The following EPHA3 variants were observed in gnomAD, a reference collection of about 807,000 sequenced individuals.
The protein encoded by EPHA3 is ephrin type-A receptor 3.
Under a neutral mutation model 107.1 loss-of-function variants are expected in EPHA3, and 42 were observed. That is an observed-to-expected ratio of 0.39 (90% CI 0.31 to 0.51). The LOEUF is 0.51. Among genes scored for constraint, EPHA3 ranks in the 20% least tolerant of loss-of-function variants. The probability of loss-of-function intolerance (pLI) is 0.78; values close to 1 mark genes in which losing one functional copy is unlikely to be tolerated. For missense variants in EPHA3, 1,183 were observed against 1,211.2 expected (o/e 0.98, Z 0.35); for synonymous variants, 461 against 424.8 (o/e 1.09, Z -1.05).
At chr3:89,458,229 T>G (rs1710139163) in intron 15 of EPHA3, among the ~76,000 whole-genome samples, 1 of 151,868 alleles carries the variant, frequency 6.6e-6, no homozygotes, top group African/African-American at 2.4e-5. Flanking sequence ...TTCACTAATA[T>G]CTCAGAATAT....
Position 89,395,831 on chromosome 3 carries a change from T to C in EPHA3, c.1307-6T>C, listed in dbSNP as rs1708839175. 6.2e-7 allele frequency: 1 copy of C among 1,613,504 alleles called. No homozygotes were observed. On this transcript the variant is annotated splice_polypyrimidine_tract_variant and splice_region_variant and intron_variant, in intron 5 of 16. Coordinates refer to ENST00000336596, the MANE Select transcript of EPHA3 (RefSeq NM_005233.6). ...TCCACCTTCCCCTCCCATCCTCTCT[T>C]TACAGCTCCATCACCTGTCCTGACG...
At chr3:89,111,621 ACAGGATTAT>A (rs1370637884) in intron 1 of EPHA3, among the ~76,000 whole-genome samples, 1 of 151,598 alleles carries the variant, frequency 6.6e-6, no homozygotes, top group Non-Finnish European at 1.5e-5. Flanking sequence ...TAGGTCATTA[ACAGGATTAT>A]CAGCAAATTT....
In EPHA3 at chr3:89,127,189, T is replaced by G; in HGVS notation, c.89-20T>G. The G allele has an allele frequency of 1.3e-6, 2 of 1,589,230 alleles. No homozygotes were observed. Among genetic ancestry groups the G allele is most frequent in the Non-Finnish European group, 1.7e-6 (2 of 1,158,166 alleles). On this transcript the variant is annotated intron_variant, in intron 1 of 16. Coordinates refer to ENST00000336596, the MANE Select transcript of EPHA3 (RefSeq NM_005233.6). ...AATTCACTGTTATTAACTGTGTTTGTGTATTATGTTTTATTTTAGTCAATC... is the reference window on the plus strand; with the variant it reads ...AATTCACTGTTATTAACTGTGTTTGGGTATTATGTTTTATTTTAGTCAATC...
At chr3:89,135,819 A>G (rs1317732815) in intron 2 of EPHA3, among the ~76,000 whole-genome samples, 1 of 151,978 alleles carries the variant, frequency 6.6e-6, no homozygotes, top group African/African-American at 2.4e-5. Flanking sequence ...ATTGTTATCA[A>G]GGGGAAAAAA....
intron 3 of EPHA3, among the ~76,000 whole-genome samples, chr3:89,217,201 G>A (rs1259787784): frequency 2.0e-5 from 3 of 152,126 alleles, no homozygotes; most frequent in African/African-American, 7.2e-5. Context: ...TTGTAAAGAA[G>A]TATAAGTGTT....
At chr3:89,227,244 CAT>C (rs1203728133) in intron 3 of EPHA3, among the ~76,000 whole-genome samples, 5 of 151,894 alleles carry the variant, frequency 3.3e-5, no homozygotes, top group Admixed American at 2.6e-4. Context: ...CATTGGGAAA[CAT>C]ATTATGGCTA....
chr3:89,142,580 T>C (rs999356432), intron 2 of EPHA3, among the ~76,000 whole-genome samples: 2 of 151,460 alleles, frequency 1.3e-5, no homozygotes, highest in Non-Finnish European at 3.0e-5. Flanking sequence ...TATTCAAAAT[T>C]GACATAAACT....
chr3:89,197,536 GAT>G (rs1705867305), intron 2 of EPHA3, among the ~76,000 whole-genome samples: 1 of 151,992 alleles, frequency 6.6e-6, no homozygotes, highest in South Asian at 2.1e-4. Flanking sequence ...TTTTAAAAAA[GAT>G]AATAGTGAAA....
At chr3:89,143,808 G>A (rs1480887042) in intron 2 of EPHA3, among the ~76,000 whole-genome samples, 6 of 151,140 alleles carry the variant, frequency 4.0e-5, no homozygotes, top group Admixed American at 6.6e-5. Flanking sequence ...TCCAATCCAG[G>A]GTATCACATT....
chr3:89,211,179 G>A (rs1022402540), intron 3 of EPHA3, among the ~76,000 whole-genome samples: 47 of 152,050 alleles, frequency 3.1e-4, no homozygotes, highest in African/African-American at 1.1e-3. Context: ...AGGCTTGAAT[G>A]CATATTTGAT....
intron 5 of EPHA3, among the ~76,000 whole-genome samples, chr3:89,355,029 C>T (rs182659687): frequency 7.3e-5 from 11 of 151,104 alleles, no homozygotes; most frequent in South Asian, 2.1e-4. Flanking sequence ...AATTCAAAAG[C>T]ACCCTCTTGA....
intron 1 of EPHA3, among the ~76,000 whole-genome samples, chr3:89,122,471 T>TA (rs1707413184): frequency 6.6e-6 from 1 of 152,230 alleles, no homozygotes; most frequent in African/African-American, 2.4e-5. Context: ...CTCAGTTTCA[T>TA]AAAATGCAAC....
At chr3:89,329,490 T>C (rs1320981475) in intron 3 of EPHA3, among the ~76,000 whole-genome samples, 2 of 152,104 alleles carry the variant, frequency 1.3e-5, no homozygotes, top group East Asian at 3.9e-4. Flanking sequence ...TCTTAATATT[T>C]CCAATACGCT....
rs370245094 is a variant in EPHA3 at position 89,368,798 on chromosome 3, C to G, written c.1306+26708C>G. On this transcript the variant is annotated intron_variant, in intron 5 of 16. Transcript: ENST00000336596. ...ATGCCCGTATCTTCTAGAAACACCC[C>G]CATAGATTCACCCAGAAAAAACAAA... is the stretch of plus-strand genomic sequence containing the variant. 9.3e-5 allele frequency among the ~76,000 whole-genome samples: 14 copies of G among 150,134 alleles called. No individual in the cohort carries two copies. The Admixed American group carries it at 9.4e-4, about 10-fold the overall frequency.
At chr3:89,442,934 G>T (rs1397946473) in intron 13 of EPHA3, among the ~76,000 whole-genome samples, 1 of 151,948 alleles carries the variant, frequency 6.6e-6, no homozygotes, top group African/African-American at 2.4e-5. Context: ...TCCACCCCAG[G>T]CTCTAAATTT....
rs115830333 is a variant in EPHA3 at position 89,412,683 on chromosome 3, G to A, written c.1763-458G>A. On this transcript the variant is annotated intron_variant, in intron 9 of 16. Transcript: ENST00000336596. ...ATCATTTAATTTATCTATAATTGCA[G>A]CCATTATCTCACCTTATAATTGTAT... Among the ~76,000 whole-genome samples the A allele has an allele frequency of 6.8e-3, 1,028 of 151,748 alleles. 8 individuals carry two copies. Among genetic ancestry groups the A allele is most frequent in the African/African-American group, 0.023 (937 of 41,468 alleles).
At chr3:89,169,317 A>T (rs1705158136) in intron 2 of EPHA3, among the ~76,000 whole-genome samples, 1 of 152,166 alleles carries the variant, frequency 6.6e-6, no homozygotes, top group Non-Finnish European at 1.5e-5. Flanking sequence ...GATATTGTAC[A>T]TATTTTTCAG....
intron 1 of EPHA3, among the ~76,000 whole-genome samples, chr3:89,116,551 G>T (rs2106950369): frequency 1.3e-5 from 2 of 152,146 alleles, no homozygotes; most frequent in East Asian, 3.9e-4. Context: ...AGCAAATTAA[G>T]TTGGGGGCAA....
intron 3 of EPHA3, among the ~76,000 whole-genome samples, chr3:89,213,174 G>A (rs1427475233): frequency 6.6e-6 from 1 of 151,950 alleles, no homozygotes; most frequent in Non-Finnish European, 1.5e-5. Context: ...GAACTGCAAG[G>A]TGCTCATGAG....
Sources: allele counts gnomAD v4.1 joint callset (sites outside exome capture counted in the v4.1 genomes callset), GRCh38; gene constraint gnomAD v4.1.1; transcripts MANE v1.5; gene names NCBI Gene and HGNC (gene_info 2026-07-23, HGNC 2026-07-21).